The following MRRF variants were observed in gnomAD, a reference collection of about 807,000 sequenced individuals.
MRRF encodes the protein ribosome-recycling factor, mitochondrial.
Under a neutral mutation model 25.1 loss-of-function variants are expected in MRRF, and 18 were observed. That is an observed-to-expected ratio of 0.72 (90% CI 0.50 to 1.06). The LOEUF (loss-of-function observed/expected upper bound fraction) is 1.06, where lower values mean the gene tolerates loss of function less well. Ranked by LOEUF, MRRF falls within the 50% of genes least tolerant of loss-of-function variation. MRRF has a pLI of 0.00. For missense variants in MRRF, 323 were observed against 319.3 expected (o/e 1.01, Z -0.09); for synonymous variants, 113 against 112.1 (o/e 1.01, Z -0.05).
chr9:122,289,751 C>T (rs1450480583), intron 4 of MRRF, among the ~76,000 whole-genome samples: 2 of 151,884 alleles, frequency 1.3e-5, no homozygotes, highest in Middle Eastern at 3.4e-3. Context: ...TCAGGCAAGG[C>T]GTGGTGGCTC....
At position 122,276,447 on chromosome 9, in the gene MRRF, G is replaced by A. The variant is rs143965024; in HGVS notation, c.185-3996G>A. On this transcript the variant is annotated intron_variant, in intron 2 of 6. Coordinates refer to ENST00000344641, the MANE Select transcript of MRRF (RefSeq NM_138777.5). ...CTGGGATCACAGGTGTTGAGCCATCGTGTCTGACTTGAGTTTTTGACATTG... is the reference window on the plus strand; with the variant it reads ...CTGGGATCACAGGTGTTGAGCCATCATGTCTGACTTGAGTTTTTGACATTG... Among the ~76,000 whole-genome samples the A allele has an allele frequency of 2.6e-4, 40 of 152,236 alleles. 1 individual carries two copies. Among genetic ancestry groups the A allele is most frequent in the Middle Eastern group, 3.4e-3 (1 of 294 alleles).
chr9:122,291,764 A>G lies in MRRF; in HGVS notation c.475A>G (p.Ile159Val). Residue 159 changes from isoleucine to valine, a missense_variant, in exon 5 of 7, where the codon ATC becomes GTC. Coordinates refer to ENST00000344641, the MANE Select transcript of MRRF (RefSeq NM_138777.5). ...TGGTTTTCAGTGTACAGCTGCAGCTATCAAGGCTATAAGAGAAAGTGGAAT... is the reference window on the plus strand; with the variant it reads ...TGGTTTTCAGTGTACAGCTGCAGCTGTCAAGGCTATAAGAGAAAGTGGAAT... ...ASFPECTAAA[I>V]KAIRESGMNL... 26 of 1,612,992 alleles carry G rather than the reference A, an allele frequency of 1.6e-5. No individual in the cohort carries two copies. Among genetic ancestry groups the G allele is most frequent in the Non-Finnish European group, 1.9e-5 (22 of 1,178,944 alleles).
intron 4 of MRRF, among the ~76,000 whole-genome samples, chr9:122,290,471 T>A (rs1833691821): frequency 6.6e-6 from 1 of 152,228 alleles, no homozygotes; most frequent in African/African-American, 2.4e-5. Flanking sequence ...TATGTGGAAG[T>A]TCTGGTTTGT....
rs142412207 is a variant in MRRF, at chr9:122,276,215, G to A, written c.185-4228G>A. Among the ~76,000 whole-genome samples the A allele has an allele frequency of 5.8e-3, 887 of 152,210 alleles. 3 individuals carry two copies. Among genetic ancestry groups the A allele is most frequent in the African/African-American group, 0.02 (826 of 41,550 alleles). On this transcript the variant is annotated intron_variant, in intron 2 of 6. Coordinates refer to ENST00000344641, the MANE Select transcript of MRRF (RefSeq NM_138777.5). ...AGGCATGAGTCACCACGCCCAGCCT[G>A]TTTTGTTTTGTTTTGTTTTTAAAGT...
rs1442283943 is a variant in MRRF, at chr9:122,313,394, T to C, written c.711+8T>C. ...AGGCTAATAGAGAAACAGGTACTATTGCCAGCAATGTAGTAGTGTCTGTGT... is the reference window on the plus strand; with the variant it reads ...AGGCTAATAGAGAAACAGGTACTATCGCCAGCAATGTAGTAGTGTCTGTGT... On this transcript the variant is annotated splice_region_variant and intron_variant, in intron 6 of 6. Coordinates refer to ENST00000344641, the MANE Select transcript of MRRF (RefSeq NM_138777.5). The C allele has an allele frequency of 1.2e-6, 2 of 1,613,644 alleles. No homozygotes were observed. Among genetic ancestry groups the C allele is most frequent in the Admixed American group, 1.7e-5 (1 of 60,032 alleles).
At chr9:122,277,913 A>T (rs1019362540) in intron 2 of MRRF, among the ~76,000 whole-genome samples, 1 of 152,000 alleles carries the variant, frequency 6.6e-6, no homozygotes, top group Non-Finnish European at 1.5e-5. Flanking sequence ...ATGCATATTT[A>T]AAAATTTTTT....
intron 3 of MRRF, among the ~76,000 whole-genome samples, chr9:122,282,842 C>A (rs559638640): frequency 6.6e-6 from 1 of 152,248 alleles, no homozygotes; most frequent in South Asian, 2.1e-4. Flanking sequence ...GCCACTGTAT[C>A]TGACTGTTAA....
intron 5 of MRRF, among the ~76,000 whole-genome samples, chr9:122,301,647 T>G (rs569416358): frequency 6.6e-6 from 1 of 152,136 alleles, no homozygotes; most frequent in Non-Finnish European, 1.5e-5. Context: ...AGAAATTCAG[T>G]AAATGAGAGT....
At position 122,274,743 on chromosome 9, in the gene MRRF, A is replaced by T. The variant is rs138343893; in HGVS notation, c.184+3668A>T. Among the ~76,000 whole-genome samples, 301 of 152,190 alleles carry T rather than the reference A, an allele frequency of 2.0e-3. 8 individuals are homozygous for T. In the East Asian group the frequency reaches 0.05, roughly 25 times the overall value. ...ATAGTCTCTTATTAAGATTTCTACT[A>T]TTTTTATAGTCATGTCCATTTTTTC... is the stretch of plus-strand genomic sequence containing the variant. On this transcript the variant is annotated intron_variant, in intron 2 of 6. Coordinates refer to ENST00000344641, the MANE Select transcript of MRRF (RefSeq NM_138777.5).
At chr9:122,300,365 C>T (rs1309784229) in intron 5 of MRRF, among the ~76,000 whole-genome samples, 1 of 152,160 alleles carries the variant, frequency 6.6e-6, no homozygotes, top group Non-Finnish European at 1.5e-5. Flanking sequence ...ATGCCCACTG[C>T]AGTGAACTTG....
chr9:122,302,567 A>G (rs932320249), intron 5 of MRRF, among the ~76,000 whole-genome samples: 5 of 152,146 alleles, frequency 3.3e-5, no homozygotes, highest in Admixed American at 2.6e-4. Flanking sequence ...ATAATATTCT[A>G]TTATATGGCT....
At chr9:122,302,147 A>G (rs1376085907) in intron 5 of MRRF, among the ~76,000 whole-genome samples, 4 of 152,222 alleles carry the variant, frequency 2.6e-5, no homozygotes, top group African/African-American at 4.8e-5. Context: ...GTATTGTTCA[A>G]TGTTGAGAAC....
chr9:122,299,604 A>G (rs188861824), intron 5 of MRRF, among the ~76,000 whole-genome samples: 67 of 152,266 alleles, frequency 4.4e-4, no homozygotes, highest in African/African-American at 1.4e-3. Context: ...GATTAAATAT[A>G]GATAATGAAA....
In MRRF at chr9:122,322,530, G is replaced by A. The variant is rs746325136; in HGVS notation, c.712-10G>A. 11 of 1,613,740 alleles carry A rather than the reference G, an allele frequency of 6.8e-6. No individual in the cohort carries two copies. The African/African-American group carries it at 9.3e-5, about 14-fold the overall frequency. On this transcript the variant is annotated splice_polypyrimidine_tract_variant and intron_variant, in intron 6 of 6. Coordinates refer to ENST00000344641, the MANE Select transcript of MRRF (RefSeq NM_138777.5). ...CATTAATCAGGCTGTCTCATTTTGT[G>A]TTCTTGCAGATCAGCCAAATGGCCG...
intron 1 of MRRF, chr9:122,265,879 A>T: frequency 3.3e-6 from 2 of 609,678 alleles, no homozygotes; most frequent in Non-Finnish European, 5.4e-6. Context: ...CCAGGTGCAT[A>T]ATGATTCTGT....
chr9:122,280,397 C>G (rs781148086), intron 2 of MRRF, 46 bp from the exon 3 acceptor site: 2 of 1,609,266 alleles, frequency 1.2e-6, no homozygotes, highest in South Asian at 1.1e-5. Flanking sequence ...CTTATTGGCT[C>G]TGTTTATGCT....
chr9:122,265,414 T>C (rs1048733551), intron 1 of MRRF: 1 of 264,844 alleles, frequency 3.8e-6, no homozygotes, highest in African/African-American at 2.3e-5. Context: ...GTAGCCCTTC[T>C]CCATTTACTT....
In MRRF at chr9:122,326,286, T is replaced by C. The variant is rs994088794; in HGVS notation, c.*3669T>C. ...ACCACACCCAGCTAATTTTTTATTT[T>C]TTTTTAGTAGAGATGGGGTTTCACC... On this transcript the variant is annotated 3_prime_UTR_variant, in exon 7 of 7. Transcript: ENST00000344641. 6.6e-6 allele frequency: 1 copy of C among 151,602 alleles called. No homozygotes were observed. The highest frequency in any genetic ancestry group is 2.4e-5 in the African/African-American group (1 of 41,266). The allele number at this position is 151,602 out of a possible 1,614,324, so 9.4% of individuals were successfully genotyped here.
chr9:122,298,965 A>C (rs757719146), intron 5 of MRRF, among the ~76,000 whole-genome samples: 2 of 152,116 alleles, frequency 1.3e-5, no homozygotes, highest in Non-Finnish European at 2.9e-5. Flanking sequence ...ACAAGAACAA[A>C]CCATGCCTAT....
Sources: allele counts gnomAD v4.1 joint callset (sites outside exome capture counted in the v4.1 genomes callset), GRCh38; gene constraint gnomAD v4.1.1; transcripts MANE v1.5; gene names NCBI Gene and HGNC (gene_info 2026-07-23, HGNC 2026-07-21).